Variants in TACC1 observed in about 807,000 individuals in gnomAD.
The protein encoded by TACC1 is transforming acidic coiled-coil containing protein 1.
Under a neutral mutation model 84.4 loss-of-function variants are expected in TACC1, and 48 were observed. That is an observed-to-expected ratio of 0.57 (90% CI 0.45 to 0.72). The LOEUF (loss-of-function observed/expected upper bound fraction) is 0.72. Ranked by LOEUF, TACC1 falls within the 30% of genes least tolerant of loss-of-function variation. The pLI is 0.00. For missense variants in TACC1, 920 were observed against 973.0 expected (o/e 0.95, Z 0.72); for synonymous variants, 372 against 376.3 (o/e 0.99, Z 0.13).
At chr8:38,780,240 A>G (rs1386639983) in intron 3 of TACC1, among the ~76,000 whole-genome samples, 2 of 152,086 alleles carry the variant, frequency 1.3e-5, no homozygotes, top group African/African-American at 2.4e-5. Flanking sequence ...TCTGGAATTT[A>G]TCCTGGTATA....
chr8:38,731,772 C>CAACAAAAT (rs1331324871), intron 1 of TACC1, among the ~76,000 whole-genome samples: 1,798 of 127,826 alleles, frequency 0.014, 18 homozygotes, highest in Non-Finnish European at 0.018. Flanking sequence ...AACAACAAAA[C>CAACAAAAT]TAGTCTTTAG....
At chr8:38,812,579 C>A (rs1012839769) in intron 2 of TACC1, among the ~76,000 whole-genome samples, 6 of 152,146 alleles carry the variant, frequency 3.9e-5, no homozygotes, top group Non-Finnish European at 7.4e-5. Flanking sequence ...TTCACATGTT[C>A]CATTTTTACA....
rs757782646 is a variant in TACC1, at chr8:38,826,494, A to T, written c.1453-674A>T. On this transcript the variant is annotated intron_variant, in intron 4 of 12. Coordinates refer to ENST00000317827, the MANE Select transcript of TACC1 (RefSeq NM_006283.3). ...AATAAGTTGTGCATTAATAAATGTG[A>T]TAAGTCTCCAGCAGAAAAAATTTTA... is the stretch of plus-strand genomic sequence containing the variant. 8.5e-5 allele frequency among the ~76,000 whole-genome samples: 13 copies of T among 152,234 alleles called. 1 individual carries two copies. Among genetic ancestry groups the T allele is most frequent in the Non-Finnish European group, 1.9e-4 (13 of 68,030 alleles).
chr8:38,747,007 A>C (rs1217710055), intron 3 of TACC1, among the ~76,000 whole-genome samples: 2 of 152,358 alleles, frequency 1.3e-5, no homozygotes, highest in East Asian at 3.9e-4. Flanking sequence ...ACTCCAATTA[A>C]AAGACAGAGA....
chr8:38,799,122 A>T (rs1195530838), intron 2 of TACC1, among the ~76,000 whole-genome samples: 1 of 152,144 alleles, frequency 6.6e-6, no homozygotes, highest in Non-Finnish European at 1.5e-5. Context: ...TCCCTCCTGA[A>T]GCCCTTGATT....
chr8:38,827,107 G>A, intron 4 of TACC1, 61 bp from the exon 5 acceptor site: 2 of 1,468,022 alleles, frequency 1.4e-6, no homozygotes, highest in African/African-American at 1.4e-5. Context: ...TTCATGGGAT[G>A]TCACTTTTCC....
chr8:38,801,289 T>G (rs2152073969), intron 2 of TACC1, among the ~76,000 whole-genome samples: 1 of 152,342 alleles, frequency 6.6e-6, no homozygotes, highest in Non-Finnish European at 1.5e-5. Flanking sequence ...TAAGAAGATT[T>G]TGCCTAACCC....
Position 38,842,423 on chromosome 8 carries a change from A to G in TACC1, c.2097A>G (p.Lys699=). The G allele has an allele frequency of 1.2e-6, 2 of 1,613,244 alleles. No individual in the cohort carries two copies. Among genetic ancestry groups the G allele is most frequent in the Non-Finnish European group, 1.7e-6 (2 of 1,179,762 alleles). The change falls in exon 10 of 13, where the codon AAA becomes AAG. Residue 699 remains lysine (K), a synonymous_variant. Transcript: ENST00000317827. ...SDLFRRYENL[K]GVLEGFKKNE... ...TCTTCAGGAGATATGAGAACCTGAA[A>G]GGTGTTCTGGAAGGGTTCAAGAAGG...
chr8:38,746,291 GC>G lies in TACC1; in HGVS notation c.26+803del, dbSNP rs565649410. On this transcript the variant is annotated intron_variant, in intron 3 of 14. Coordinates refer to the TACC1 transcript ENST00000518415. ...ACAATGAAGAAGAGCCAAATGGAAA[GC>G]CCCCTTTTTTGGTTGCTCTTTTTCT... is the stretch of plus-strand genomic sequence containing the variant. 9.5e-3 allele frequency among the ~76,000 whole-genome samples: 1,442 copies of G among 152,272 alleles called. 17 individuals are homozygous for G. The highest frequency in any genetic ancestry group is 0.033 in the African/African-American group (1,365 of 41,542).
rs28811059 is a variant in TACC1, at chr8:38,801,833, A to T, written c.277+13014A>T. On this transcript the variant is annotated intron_variant, in intron 2 of 12. Transcript: ENST00000317827. Reference sequence around the variant, plus strand: ...AAGTATTGCTGTCTTAACAATATTAAATCTTCCAATTCATGAACATGGGGT... The same window carrying T: ...AAGTATTGCTGTCTTAACAATATTATATCTTCCAATTCATGAACATGGGGT... Among the ~76,000 whole-genome samples, 263 of 152,336 alleles carry T rather than the reference A, an allele frequency of 1.7e-3. 3 individuals are homozygous for T. Among genetic ancestry groups the T allele is most frequent in the African/African-American group, 6.0e-3 (251 of 41,578 alleles).
chr8:38,768,725 C>A (rs1812784797), intron 3 of TACC1, among the ~76,000 whole-genome samples: 1 of 151,052 alleles, frequency 6.6e-6, no homozygotes, highest in Non-Finnish European at 1.5e-5. Context: ...GTGTGTGTGT[C>A]ACCATATATA....
chr8:38,760,084 C>T (rs1158904622), intron 3 of TACC1, among the ~76,000 whole-genome samples: 1 of 151,852 alleles, frequency 6.6e-6, no homozygotes, highest in Non-Finnish European at 1.5e-5. Context: ...TCAATGCTGG[C>T]ATTTGTCTTT....
intron 3 of TACC1, among the ~76,000 whole-genome samples, chr8:38,747,672 A>G (rs1284761558): frequency 6.6e-6 from 1 of 152,252 alleles, no homozygotes; most frequent in African/African-American, 2.4e-5. Flanking sequence ...CAAAAAGATC[A>G]GTAGTTGCCA....
At chr8:38,770,097 G>A (rs184335516) in intron 3 of TACC1, among the ~76,000 whole-genome samples, 4 of 151,922 alleles carry the variant, frequency 2.6e-5, no homozygotes, top group East Asian at 1.9e-4. Flanking sequence ...GTGAACATGC[G>A]TGCTCCCTGC....
intron 3 of TACC1, among the ~76,000 whole-genome samples, chr8:38,766,064 A>G (rs1316452549): frequency 6.6e-6 from 1 of 152,184 alleles, no homozygotes; most frequent in Non-Finnish European, 1.5e-5. Flanking sequence ...TAAAGCACAA[A>G]CAGATTTAAT....
chr8:38,820,635 C>T lies in TACC1; in HGVS notation c.1391C>T (p.Thr464Met), dbSNP rs1480827441. ...AAGAAGGCAAAGTCGCGTTTAATAA[C>T]GTGAGTGACAGTGGGCGCTGGGTGT... ...SPKKAKSRLI[T>M]SGCKVKKHET... The change falls in exon 3 of 13, where the codon ACG becomes ATG. Residue 464 changes from threonine (T) to methionine (M), a missense_variant and splice_region_variant. Thr to Met is a moderately conservative substitution (Grantham distance 81, BLOSUM62 -1). This residue lies in a region of TACC1 where 762 missense variants were observed against 747.3 expected (regional missense o/e 1.02). Coordinates refer to ENST00000317827, the MANE Select transcript of TACC1 (RefSeq NM_006283.3). 1.3e-5 allele frequency: 21 copies of T among 1,601,312 alleles called. No individual in the cohort carries two copies. Among genetic ancestry groups the T allele is most frequent in the African/African-American group, 6.7e-5 (5 of 74,884 alleles).
At chr8:38,807,361 T>A (rs1412341397) in intron 2 of TACC1, among the ~76,000 whole-genome samples, 1 of 152,198 alleles carries the variant, frequency 6.6e-6, no homozygotes, top group East Asian at 1.9e-4. Flanking sequence ...AGCCAGCGTG[T>A]GTATGTGAGA....
rs757064536 is a variant in TACC1, at chr8:38,838,524, C to T, written c.1894C>T (p.Arg632Trp). The change falls in exon 8 of 13, where the codon CGG becomes TGG. Residue 632 changes from arginine to tryptophan, a missense_variant. Coordinates refer to ENST00000317827, the MANE Select transcript of TACC1 (RefSeq NM_006283.3). ...NEWKKKYEET[R>W]QEVLEMRKIV... ...ATGGAAGAAGAAATACGAAGAGACC[C>T]GGCAAGAAGTTTTGGAGATGAGGTT... 1.2e-5 allele frequency: 20 copies of T among 1,613,630 alleles called. No individual in the cohort carries two copies. Among genetic ancestry groups the T allele is most frequent in the East Asian group, 4.5e-5 (2 of 44,884 alleles).
At chr8:38,738,015 C>T (rs1316100632) in intron 1 of TACC1, among the ~76,000 whole-genome samples, 1 of 152,182 alleles carries the variant, frequency 6.6e-6, no homozygotes, top group East Asian at 1.9e-4. Flanking sequence ...GCATGAGTCA[C>T]TGCGCCCGGC....
Sources: allele counts gnomAD v4.1 joint callset (sites outside exome capture counted in the v4.1 genomes callset), GRCh38; gene constraint gnomAD v4.1.1; regional missense constraint gnomAD v4.1.1; transcripts MANE v1.5; gene names NCBI Gene and HGNC (gene_info 2026-07-23, HGNC 2026-07-21).